KHDRBS2: variants seen among roughly 807,000 people sequenced by gnomAD.
KHDRBS2 encodes the protein KH RNA binding domain containing, signal transduction associated 2.
In KHDRBS2, 26 loss-of-function variants were observed where a neutral mutation model predicts 44.3. The observed-to-expected ratio is 0.59, with a 90% CI of 0.43 to 0.81. KHDRBS2 has a LOEUF of 0.81. Ranked by LOEUF, KHDRBS2 falls within the 40% of genes least tolerant of loss-of-function variation. The probability of loss-of-function intolerance (pLI) is 0.00; values close to 1 mark genes in which losing one functional copy is unlikely to be tolerated. For missense variants in KHDRBS2, 476 were observed against 433.1 expected, an observed-to-expected ratio of 1.10 and a Z score of -0.88; for synonymous variants, 194 against 151.1, an observed-to-expected ratio of 1.28 and a Z score of -2.08.
intron 2 of KHDRBS2, among the ~76,000 whole-genome samples, chr6:62,048,316 G>A (rs1788200190): frequency 6.6e-6 from 1 of 151,670 alleles, no homozygotes; most frequent in South Asian, 2.1e-4. Context: ...CAATCATGCT[G>A]GTTTACAGAA....
In KHDRBS2 at chr6:61,744,209, A is replaced by G. The variant is rs1216936440; in HGVS notation, c.811-11445T>C. On this transcript the variant is annotated intron_variant, in intron 6 of 8. Coordinates refer to ENST00000281156, the MANE Select transcript of KHDRBS2 (RefSeq NM_152688.4). Reference sequence around the variant, plus strand: ...TGGCAGAAGACATAACTCTTGGGTCAAAAACAAGGACTCTATTACACACCA... The same window carrying G: ...TGGCAGAAGACATAACTCTTGGGTCGAAAACAAGGACTCTATTACACACCA... Among the ~76,000 whole-genome samples, 3 of 152,144 alleles carry G rather than the reference A, an allele frequency of 2.0e-5. 1 individual carries two copies. Among genetic ancestry groups the G allele is most frequent in the Non-Finnish European group, 4.4e-5 (3 of 68,018 alleles).
intron 4 of KHDRBS2, among the ~76,000 whole-genome samples, chr6:61,948,707 C>T (rs1235466577): frequency 1.4e-5 from 2 of 139,800 alleles, no homozygotes; most frequent in Non-Finnish European, 3.1e-5. Context: ...GAGATGAGGT[C>T]TTGCTATATT....
chr6:62,180,706 T>C (rs1198154015), intron 1 of KHDRBS2, among the ~76,000 whole-genome samples: 2 of 151,796 alleles, frequency 1.3e-5, no homozygotes, highest in East Asian at 3.9e-4. Context: ...CAAATTTATA[T>C]AAAATGATAA....
intron 6 of KHDRBS2, among the ~76,000 whole-genome samples, chr6:61,869,212 C>T (rs1448683565): frequency 6.6e-6 from 1 of 152,148 alleles, no homozygotes; most frequent in Non-Finnish European, 1.5e-5. Flanking sequence ...GTTGAAGGTG[C>T]TGTGTTTACT....
In KHDRBS2 at chr6:61,787,328, T is replaced by C. The variant is rs1485472567; in HGVS notation, c.811-54564A>G. 5.3e-5 allele frequency among the ~76,000 whole-genome samples: 8 copies of C among 151,752 alleles called. No individual in the cohort carries two copies. The East Asian group carries it at 1.5e-3, about 29-fold the overall frequency. On this transcript the variant is annotated intron_variant, in intron 6 of 8. Transcript: ENST00000281156. ...CCAAAGGGTGTCCATCTCTATTTAA[T>C]ATAAAACTGAGTGAAATTATGTATG... is the stretch of plus-strand genomic sequence containing the variant.
At chr6:62,023,758 G>C (rs1782764908) in intron 3 of KHDRBS2, among the ~76,000 whole-genome samples, 1 of 151,234 alleles carries the variant, frequency 6.6e-6, no homozygotes, top group Non-Finnish European at 1.5e-5. Flanking sequence ...TAATATGAAA[G>C]AATTTAGAGT....
chr6:61,846,821 ATTG>A (rs1315059504), intron 6 of KHDRBS2, among the ~76,000 whole-genome samples: 1 of 151,950 alleles, frequency 6.6e-6, no homozygotes. Context: ...AGCATAGGAT[ATTG>A]TTGATTAATT....
intron 4 of KHDRBS2, among the ~76,000 whole-genome samples, chr6:61,904,491 A>G (rs1375730703): frequency 6.6e-6 from 1 of 152,250 alleles, no homozygotes; most frequent in Non-Finnish European, 1.5e-5. Context: ...GGTGGCCAAG[A>G]GAATACAGAC....
At chr6:61,880,585 T>G (rs1307373089) in intron 6 of KHDRBS2, among the ~76,000 whole-genome samples, 4 of 151,954 alleles carry the variant, frequency 2.6e-5, no homozygotes, top group Non-Finnish European at 1.5e-5. Context: ...ACATTTTAAT[T>G]TATTTGGAAT....
chr6:62,172,877 C>A (rs1226659004), intron 2 of KHDRBS2, among the ~76,000 whole-genome samples: 3 of 151,920 alleles, frequency 2.0e-5, no homozygotes, highest in African/African-American at 7.2e-5. Context: ...TCAAGAATTT[C>A]TTTGAAACTA....
At chr6:62,243,712 C>A (rs1835073629) in intron 1 of KHDRBS2, among the ~76,000 whole-genome samples, 1 of 151,990 alleles carries the variant, frequency 6.6e-6, no homozygotes, top group African/African-American at 2.4e-5. Flanking sequence ...CAGTCACATC[C>A]TGAGGGTTCA....
chr6:61,586,807 T>C, the KHDRBS2 span, among the ~76,000 whole-genome samples: 1 of 152,090 alleles, frequency 6.6e-6, no homozygotes, highest in African/African-American at 2.4e-5. Context: ...AAGATAGCAT[T>C]CAAGACCCAT....
chr6:62,276,528 G>T (rs1840963740), intron 1 of KHDRBS2, among the ~76,000 whole-genome samples: 1 of 152,122 alleles, frequency 6.6e-6, no homozygotes, highest in Non-Finnish European at 1.5e-5. Context: ...CCTCTGCTCT[G>T]CCACCACATC....
rs180931534 is a variant in KHDRBS2, at chr6:61,955,080, A to G, written c.483+22986T>C. Among the ~76,000 whole-genome samples the G allele has an allele frequency of 1.9e-3, 262 of 139,326 alleles. 1 individual carries two copies. Among genetic ancestry groups the G allele is most frequent in the African/African-American group, 6.5e-3 (253 of 38,908 alleles). 91.4% of individuals were successfully genotyped at this position (139,326 alleles called of 152,430 possible). On this transcript the variant is annotated intron_variant, in intron 4 of 8. Transcript: ENST00000281156. The stretch of plus-strand genomic sequence containing the variant: ...TGTATGTATACACATATACGTGTGT[A>G]TGTATGCATACATATATGTATATAT...
chr6:61,969,734 A>G (rs1435975196), intron 4 of KHDRBS2, among the ~76,000 whole-genome samples: 6 of 151,982 alleles, frequency 3.9e-5, no homozygotes, highest in Admixed American at 3.9e-4. Flanking sequence ...TGGCATTTTC[A>G]ATCCCTTCAG....
intron 8 of KHDRBS2, among the ~76,000 whole-genome samples, chr6:61,696,235 T>TA (rs1767885773): frequency 7.0e-6 from 1 of 142,050 alleles, no homozygotes; most frequent in African/African-American, 2.6e-5. Flanking sequence ...GCCATATATG[T>TA]ATTTTATTTA....
At chr6:61,779,192 AT>A (rs925899065) in intron 6 of KHDRBS2, among the ~76,000 whole-genome samples, 72 of 151,578 alleles carry the variant, frequency 4.8e-4, no homozygotes, top group African/African-American at 1.4e-3. Flanking sequence ...TAGTATACCA[AT>A]TTTTTTTTAT....
At chr6:62,165,885 A>G (rs1818581127) in intron 2 of KHDRBS2, among the ~76,000 whole-genome samples, 1 of 151,934 alleles carries the variant, frequency 6.6e-6, no homozygotes, top group Non-Finnish European at 1.5e-5. Flanking sequence ...TACATTCACA[A>G]TGTTATGCAA....
intron 6 of KHDRBS2, among the ~76,000 whole-genome samples, chr6:61,851,788 A>G (rs1262730589): frequency 6.6e-6 from 1 of 152,220 alleles, no homozygotes; most frequent in African/African-American, 2.4e-5. Context: ...AAGATATTCA[A>G]TATGTTTTAC....
Sources: allele counts gnomAD v4.1 joint callset (sites outside exome capture counted in the v4.1 genomes callset), GRCh38; gene constraint gnomAD v4.1.1; transcripts MANE v1.5; gene names NCBI Gene and HGNC (gene_info 2026-07-23, HGNC 2026-07-21).